Variants in ADAMTS6 observed in about 807,000 individuals in gnomAD.
ADAMTS6 encodes the protein A disintegrin and metalloproteinase with thrombospondin motifs 6.
ADAMTS6 carries 23 observed loss-of-function variants against 144.3 expected under a neutral mutation model. The ratio of observed to expected loss-of-function variants is 0.16; its 90% CI spans 0.11 to 0.23. ADAMTS6 has a LOEUF of 0.23. ADAMTS6 is among the 10% of genes least tolerant of loss of function. The pLI is 1.00. For synonymous variants in ADAMTS6, 444 were observed against 457.5 expected (o/e 0.97, Z 0.38); for missense variants, 999 against 1,379.6 (o/e 0.72, Z 4.37).
intron 14 of ADAMTS6, among the ~76,000 whole-genome samples, chr5:65,248,922 T>C (rs1759891509): frequency 1.3e-5 from 2 of 151,866 alleles, no homozygotes; most frequent in Non-Finnish European, 2.9e-5. Context: ...CAATATACCA[T>C]AAATATATAT....
rs1229503251 is a variant in ADAMTS6, at chr5:65,473,833, C to A, written c.-160G>T. The stretch of plus-strand genomic sequence containing the variant: ...AGAGCCACTTTTATCCAACATCCTG[C>A]ACTTTCTTCTATATCTGGATTCATT... On this transcript the variant is annotated 5_prime_UTR_variant, in exon 2 of 25. Transcript: ENST00000381055. 5.4e-6 allele frequency: 3 copies of A among 552,692 alleles called. No homozygotes were observed. The highest frequency in any genetic ancestry group is 9.8e-6 in the Non-Finnish European group (3 of 305,994). The allele number at this position is 552,692 out of a possible 1,614,324, so 34.2% of individuals were successfully genotyped here.
chr5:65,463,249 G>A (rs1205869222), intron 3 of ADAMTS6, among the ~76,000 whole-genome samples: 4 of 152,068 alleles, frequency 2.6e-5, no homozygotes, highest in Non-Finnish European at 4.4e-5. Flanking sequence ...GGTGGTATTT[G>A]AGCAGAAACC....
At chr5:65,160,600 GGCC>G (rs1561232933) in intron 24 of ADAMTS6, among the ~76,000 whole-genome samples, 2 of 150,670 alleles carry the variant, frequency 1.3e-5, no homozygotes, top group African/African-American at 4.9e-5. Flanking sequence ...CACCGCGCCC[GGCC>G]TCCAACTTTC....
At chr5:65,341,329 A>C (rs1043235019) in intron 7 of ADAMTS6, among the ~76,000 whole-genome samples, 4 of 151,972 alleles carry the variant, frequency 2.6e-5, no homozygotes, top group African/African-American at 7.2e-5. Context: ...CAAACCCCAA[A>C]TTTGTAGAAG....
At chr5:65,389,789 G>A (rs576373447) in intron 7 of ADAMTS6, among the ~76,000 whole-genome samples, 9 of 152,204 alleles carry the variant, frequency 5.9e-5, no homozygotes, top group African/African-American at 2.2e-4. Flanking sequence ...TCAGTTTTCA[G>A]GCTTTATATG....
chr5:65,272,762 A>C (rs921000759), intron 12 of ADAMTS6, among the ~76,000 whole-genome samples: 8 of 151,790 alleles, frequency 5.3e-5, no homozygotes, highest in Admixed American at 3.3e-4. Context: ...TCTACCGAAA[A>C]ATACAAAAAT....
At chr5:65,278,980 G>A (rs1032415455) in intron 11 of ADAMTS6, among the ~76,000 whole-genome samples, 1 of 137,588 alleles carries the variant, frequency 7.3e-6, no homozygotes, top group African/African-American at 2.7e-5. Context: ...GTCTCACTCT[G>A]TAGCCCAGGC....
chr5:65,440,511 G>A (rs552130889), intron 7 of ADAMTS6, among the ~76,000 whole-genome samples: 19 of 152,242 alleles, frequency 1.2e-4, no homozygotes, highest in Non-Finnish European at 1.5e-5. Flanking sequence ...AGGAGACAAA[G>A]ACAGTTAAAA....
At chr5:65,296,511 AC>A (rs1742850272) in intron 10 of ADAMTS6, among the ~76,000 whole-genome samples, 1 of 152,200 alleles carries the variant, frequency 6.6e-6, no homozygotes, top group Admixed American at 6.5e-5. Flanking sequence ...TATCAGATAA[AC>A]AGAAGGAGGA....
intron 7 of ADAMTS6, among the ~76,000 whole-genome samples, chr5:65,442,411 T>G (rs1757933145): frequency 6.6e-6 from 1 of 152,104 alleles, no homozygotes; most frequent in African/African-American, 2.4e-5. Flanking sequence ...TTTAAAAAAA[T>G]CACTCCACAA....
intron 24 of ADAMTS6, among the ~76,000 whole-genome samples, chr5:65,166,884 T>A (rs1753200151): frequency 7.9e-6 from 1 of 126,458 alleles, no homozygotes; most frequent in African/African-American, 2.9e-5. Flanking sequence ...TTCAAAGCAG[T>A]GTGTAGAGGG....
At chr5:65,367,096 G>A (rs1334991477) in intron 7 of ADAMTS6, among the ~76,000 whole-genome samples, 1 of 152,146 alleles carries the variant, frequency 6.6e-6, no homozygotes, top group Non-Finnish European at 1.5e-5. Context: ...TAATCATGGA[G>A]CTGTACTGAA....
intron 7 of ADAMTS6, among the ~76,000 whole-genome samples, chr5:65,440,469 T>C (rs1400710319): frequency 6.6e-6 from 1 of 152,120 alleles, no homozygotes; most frequent in Non-Finnish European, 1.5e-5. Flanking sequence ...CCCAGTGGAC[T>C]CTCTGAGTTG....
At chr5:65,327,008 G>A (rs1387444060) in intron 9 of ADAMTS6, among the ~76,000 whole-genome samples, 1 of 152,172 alleles carries the variant, frequency 6.6e-6, no homozygotes, top group East Asian at 1.9e-4. Flanking sequence ...TACTGGAGGT[G>A]GGGCCTGGTG....
At chr5:65,329,632 A>G in intron 8 of ADAMTS6, 149 bp from the exon 9 acceptor site, 1 of 581,614 alleles carries the variant, frequency 1.7e-6, no homozygotes. Context: ...CATTTGCAAA[A>G]TCACTGGGGG....
intron 15 of ADAMTS6, among the ~76,000 whole-genome samples, chr5:65,228,467 A>C (rs1477249048): frequency 6.6e-6 from 1 of 152,188 alleles, no homozygotes; most frequent in East Asian, 1.9e-4. Context: ...GACATCAGCA[A>C]GATGGTGGAA....
chr5:65,211,218 T>C (rs1469458393), intron 20 of ADAMTS6, among the ~76,000 whole-genome samples: 2 of 152,168 alleles, frequency 1.3e-5, no homozygotes, highest in African/African-American at 2.4e-5. Flanking sequence ...GTAAGCTTCT[T>C]AAGAACCTGG....
chr5:65,286,763 A>G (rs1293363842), intron 11 of ADAMTS6, among the ~76,000 whole-genome samples: 1 of 152,222 alleles, frequency 6.6e-6, no homozygotes, highest in Non-Finnish European at 1.5e-5. Context: ...CCTTGAATTA[A>G]TCTATGCTTT....
chr5:65,265,412 T>G (rs1197130492), intron 12 of ADAMTS6, among the ~76,000 whole-genome samples: 1 of 152,042 alleles, frequency 6.6e-6, no homozygotes, highest in East Asian at 1.9e-4. Flanking sequence ...ATATGTTAAT[T>G]GCATCAGATC....
Sources: gnomAD v4.1 joint callset for allele counts (sites outside exome capture counted in the v4.1 genomes callset) on GRCh38, gnomAD v4.1.1 for gene constraint, MANE v1.5 for transcripts, NCBI Gene and HGNC (gene_info 2026-07-23, HGNC 2026-07-21) for gene names.